Variants in TBC1D30 observed in about 807,000 individuals in gnomAD.
TBC1D30 encodes TBC1 domain family member 30.
A neutral mutation model predicts 63.2 loss-of-function variants in TBC1D30; 31 were observed. The ratio of observed to expected loss-of-function variants is 0.49; its 90% CI spans 0.37 to 0.66. The LOEUF (loss-of-function observed/expected upper bound fraction) is 0.66, where lower values mean the gene tolerates loss of function less well. Ranked by LOEUF, TBC1D30 falls within the 30% of genes least tolerant of loss-of-function variation. TBC1D30 has a pLI of 0.00. For missense variants in TBC1D30, 810 were observed against 953.6 expected (o/e 0.85, Z 1.98); for synonymous variants, 307 against 361.5 (o/e 0.85, Z 1.71).
At chr12:64,849,930 G>GACA (rs1235163129) in intron 8 of TBC1D30, among the ~76,000 whole-genome samples, 1 of 152,064 alleles carries the variant, frequency 6.6e-6, no homozygotes, top group Non-Finnish European at 1.5e-5. Flanking sequence ...CCATTTGTTT[G>GACA]TGCCCTGTCT....
chr12:64,762,875 T>C (rs528836730), intron 1 of TBC1D30, among the ~76,000 whole-genome samples: 2 of 152,340 alleles, frequency 1.3e-5, no homozygotes, highest in South Asian at 4.1e-4. Context: ...CCTCAGTTCA[T>C]TATTGGTTTT....
At chr12:64,848,273 C>CT (rs201249768) in intron 8 of TBC1D30, among the ~76,000 whole-genome samples, 25 of 148,848 alleles carry the variant, frequency 1.7e-4, no homozygotes, top group East Asian at 5.9e-4. Flanking sequence ...CTATGTGTAT[C>CT]TTTTTTTTTT....
Position 64,876,515 on chromosome 12 carries a change from G to C in TBC1D30, c.*727G>C. The C allele has an allele frequency of 3.4e-6, 1 of 291,710 alleles. No homozygotes were observed. The highest frequency in any genetic ancestry group is 6.8e-6 in the Non-Finnish European group (1 of 146,040). The allele number at this position is 291,710 out of a possible 1,614,324, so 18.1% of individuals were successfully genotyped here. On this transcript the variant is annotated 3_prime_UTR_variant, in exon 12 of 12. Coordinates refer to ENST00000539867, the MANE Select transcript of TBC1D30 (RefSeq NM_015279.2). Reference sequence around the variant, plus strand: ...CGCAGTTGCTCCGGACAGCTTGCTCGCGCCACTGAGCTTTTCCTGAGGTTT... The same window carrying C: ...CGCAGTTGCTCCGGACAGCTTGCTCCCGCCACTGAGCTTTTCCTGAGGTTT...
intron 1 of TBC1D30, among the ~76,000 whole-genome samples, chr12:64,784,182 C>T (rs1271025610): frequency 6.6e-6 from 1 of 151,830 alleles, no homozygotes; most frequent in Non-Finnish European, 1.5e-5. Context: ...TTACTTAAAG[C>T]GTTATTTATG....
intron 8 of TBC1D30, among the ~76,000 whole-genome samples, chr12:64,854,220 T>C (rs1877108453): frequency 6.6e-6 from 1 of 152,188 alleles, no homozygotes; most frequent in African/African-American, 2.4e-5. Flanking sequence ...TGTGCTTTAA[T>C]TTCTTGCTTT....
intron 1 of TBC1D30, among the ~76,000 whole-genome samples, chr12:64,768,107 T>G (rs1326476942): frequency 6.6e-6 from 1 of 152,070 alleles, no homozygotes; most frequent in Non-Finnish European, 1.5e-5. Flanking sequence ...GGGTCCAGTG[T>G]GAAACAAAAA....
chr12:64,792,718 G>A (rs1414064254), intron 2 of TBC1D30, among the ~76,000 whole-genome samples: 1 of 152,126 alleles, frequency 6.6e-6, no homozygotes, highest in African/African-American at 2.4e-5. Context: ...TTACAGGTGT[G>A]TGCCACCACA....
intron 1 of TBC1D30, among the ~76,000 whole-genome samples, chr12:64,826,118 G>A (rs1359447090): frequency 6.6e-6 from 1 of 150,748 alleles, no homozygotes; most frequent in Non-Finnish European, 1.5e-5. Context: ...TAAGTGTTTT[G>A]TATTTCTGAA....
chr12:64,760,226 T>C (rs1870449033), intron 1 of TBC1D30, among the ~76,000 whole-genome samples: 1 of 152,108 alleles, frequency 6.6e-6, no homozygotes, highest in Admixed American at 6.5e-5. Flanking sequence ...TGAAACTAGC[T>C]CCAGATATTT....
In TBC1D30 at chr12:64,836,492, T is replaced by C. The variant is rs544762268; in HGVS notation, c.597T>C (p.Ile199=). The change falls in exon 6 of 12, where the codon ATT becomes ATC. Residue 199 remains isoleucine (I), a splice_region_variant and synonymous_variant. Coordinates refer to ENST00000539867, the MANE Select transcript of TBC1D30 (RefSeq NM_015279.2). ...MEGNEGDALK[I]MIYLIDKVLP... Reference sequence around the variant, plus strand: ...AAGCTTTATCTTTTTTTCTTTAGATTATGATTTACCTTATTGATAAGGTAC... The same window carrying C: ...AAGCTTTATCTTTTTTTCTTTAGATCATGATTTACCTTATTGATAAGGTAC... The C allele has an allele frequency of 2.0e-6, 3 of 1,534,538 alleles. No homozygotes were observed. Among genetic ancestry groups the C allele is most frequent in the Middle Eastern group, 1.7e-4 (1 of 5,980 alleles).
chr12:64,766,701 C>G (rs1231020814), intron 1 of TBC1D30, among the ~76,000 whole-genome samples: 2 of 152,122 alleles, frequency 1.3e-5, no homozygotes, highest in Admixed American at 6.5e-5. Context: ...GTAGACCTAA[C>G]AGAGATCTAC....
chr12:64,760,920 A>G (rs1285501547), intron 1 of TBC1D30, among the ~76,000 whole-genome samples: 1 of 152,108 alleles, frequency 6.6e-6, no homozygotes, highest in East Asian at 1.9e-4. Context: ...AGGGGTGGTA[A>G]CTCACACAAT....
At chr12:64,780,934 C>T (rs1460885262) in exon 1 of TBC1D30, 12 of 1,050,790 alleles carry the variant, frequency 1.1e-5, no homozygotes, top group Non-Finnish European at 1.3e-5. Context: ...CTCCCCCAGC[C>T]CCGCGCCTCC....
chr12:64,831,065 A>G (rs1874816118), intron 4 of TBC1D30, among the ~76,000 whole-genome samples: 1 of 152,204 alleles, frequency 6.6e-6, no homozygotes, highest in Admixed American at 6.5e-5. Context: ...TCCCAGTATT[A>G]TCCTCTTACA....
chr12:64,823,767 G>A (rs946908357), upstream of TBC1D30, among the ~76,000 whole-genome samples: 1 of 152,092 alleles, frequency 6.6e-6, no homozygotes, highest in Admixed American at 6.6e-5. Context: ...TGGGACTATA[G>A]GCATGCTGTT....
At chr12:64,814,254 C>G (rs1873391722) in intron 2 of TBC1D30, among the ~76,000 whole-genome samples, 7 of 152,070 alleles carry the variant, frequency 4.6e-5, no homozygotes, top group Admixed American at 3.9e-4. Context: ...GCCATGTTGG[C>G]TAGGCTGGTC....
upstream of TBC1D30, among the ~76,000 whole-genome samples, chr12:64,824,354 T>C (rs953164203): frequency 6.6e-6 from 1 of 152,160 alleles, no homozygotes; most frequent in Non-Finnish European, 1.5e-5. Context: ...TGGGAGAGGA[T>C]GCTTGCCCTT....
chr12:64,844,787 C>G (rs964217057), intron 8 of TBC1D30, among the ~76,000 whole-genome samples: 5 of 152,060 alleles, frequency 3.3e-5, no homozygotes, highest in African/African-American at 1.2e-4. Context: ...TCTTTCCATG[C>G]CTGGCTTATT....
intron 1 of TBC1D30, among the ~76,000 whole-genome samples, chr12:64,769,791 A>T (rs1870841229): frequency 6.6e-6 from 1 of 152,196 alleles, no homozygotes; most frequent in Admixed American, 6.5e-5. Context: ...AAGTGCTGGG[A>T]TTACAGGTGT....
Sources: allele counts gnomAD v4.1 joint callset (sites outside exome capture counted in the v4.1 genomes callset), GRCh38; gene constraint gnomAD v4.1.1; transcripts MANE v1.5; gene names NCBI Gene and HGNC (gene_info 2026-07-23, HGNC 2026-07-21).